Variants in MTMR8 observed in about 807,000 individuals in gnomAD.
MTMR8 encodes the protein phosphatidylinositol-3,5-bisphosphate 3-phosphatase MTMR8.
Under a neutral mutation model 39.3 loss-of-function variants are expected in MTMR8, and 65 were observed. The ratio of observed to expected loss-of-function variants is 1.65; its 90% CI spans 1.35 to 2.03. The LOEUF (loss-of-function observed/expected upper bound fraction) is 2.03. Ranked by LOEUF, MTMR8 falls within the 30% of genes most tolerant of loss-of-function variation. The probability of loss-of-function intolerance (pLI) is 0.00; values close to 1 mark genes in which losing one functional copy is unlikely to be tolerated. For synonymous variants in MTMR8, 245 were observed against 185.2 expected, an observed-to-expected ratio of 1.32 and a Z score of -2.62; for missense variants, 777 against 538.9, an observed-to-expected ratio of 1.44 and a Z score of -4.37.
chrX:64,314,641 G>A (rs5918541), intron 12 of MTMR8, among the ~76,000 whole-genome samples: 3 of 112,932 alleles, frequency 2.7e-5, no homozygotes, highest in Non-Finnish European at 5.6e-5. Context: ...ACTGCTGCTG[G>A]CAGCAGTGGC....
At chrX:64,344,963 C>T in intron 7 of MTMR8, 82 bp downstream of exon 7, 2 of 1,059,428 alleles carry the variant, frequency 1.9e-6, no homozygotes, top group Non-Finnish European at 2.6e-6. Context: ...TTTTATATTC[C>T]ACCCCAAATC....
chrX:64,275,968 A>G (rs774802232), intron 12 of MTMR8, among the ~76,000 whole-genome samples: 2 of 111,713 alleles, frequency 1.8e-5, no homozygotes, highest in African/African-American at 3.2e-5. Flanking sequence ...GGAATCAAAA[A>G]TCTCCCAGCA....
chrX:64,272,482 G>C (rs2147124918), intron 12 of MTMR8, among the ~76,000 whole-genome samples: 1 of 110,802 alleles, frequency 9.0e-6, no homozygotes, highest in Non-Finnish European at 1.9e-5. Context: ...CCAGTCAGAA[G>C]GACACAAAGA....
intron 1 of MTMR8, among the ~76,000 whole-genome samples, chrX:64,367,071 C>A (rs1385858142): frequency 1.8e-5 from 2 of 111,795 alleles, no homozygotes; most frequent in African/African-American, 6.5e-5. Flanking sequence ...GAAGTTGAAT[C>A]TCTGAATAGA....
chrX:64,341,059 G>GA (rs779665406), intron 8 of MTMR8, among the ~76,000 whole-genome samples: 1 of 112,388 alleles, frequency 8.9e-6, no homozygotes, highest in Non-Finnish European at 1.9e-5. Context: ...CTGCATTAGC[G>GA]AAAAATTAGA....
At chrX:64,343,060 C>T (rs914857132) in intron 8 of MTMR8, among the ~76,000 whole-genome samples, 1 of 111,282 alleles carries the variant, frequency 9.0e-6, no homozygotes, top group African/African-American at 3.3e-5. Context: ...CATTTGGAGG[C>T]AGATCTATAC....
chrX:64,301,405 C>T (rs1182048208), intron 12 of MTMR8, among the ~76,000 whole-genome samples: 4 of 105,155 alleles, frequency 3.8e-5, no homozygotes, highest in South Asian at 8.9e-4. Context: ...ACGTAGTTCT[C>T]GAGCCTTGGT....
chrX:64,368,740 A>G (rs1275297349), intron 1 of MTMR8, among the ~76,000 whole-genome samples: 2 of 112,343 alleles, frequency 1.8e-5, no homozygotes, highest in African/African-American at 3.2e-5. Context: ...AATGGCAATG[A>G]AAGCCAAAAT....
chrX:64,300,360 T>C (rs1185995839), intron 12 of MTMR8, among the ~76,000 whole-genome samples: 1 of 111,670 alleles, frequency 9.0e-6, no homozygotes, highest in East Asian at 2.8e-4. Flanking sequence ...TGATCTTTGT[T>C]GGTTTAAAGT....
chrX:64,360,643 T>C (rs1466923407), intron 1 of MTMR8, among the ~76,000 whole-genome samples: 11 of 111,274 alleles, frequency 9.9e-5, no homozygotes. Context: ...AACAAAATAA[T>C]AGCCAAAATG....
intron 1 of MTMR8, among the ~76,000 whole-genome samples, chrX:64,390,822 A>AT (rs917249569): frequency 4.6e-5 from 5 of 109,448 alleles, no homozygotes; most frequent in African/African-American, 6.6e-5. Context: ...CACCCAGCTA[A>AT]TTTTTTTTAA....
intron 12 of MTMR8, among the ~76,000 whole-genome samples, chrX:64,274,021 C>A (rs551794083): frequency 8.9e-6 from 1 of 111,783 alleles, no homozygotes; most frequent in African/African-American, 3.2e-5. Context: ...TACTTCGATA[C>A]TCTACTTTCA....
rs748887706 is a variant in MTMR8, at chrX:64,344,900, T to C, written c.865+145A>G. The C allele has an allele frequency of 1.5e-5, 8 of 536,002 alleles. No individual in the cohort carries two copies. The South Asian group carries it at 3.0e-4, about 20-fold the overall frequency. The allele number at this position is 536,002 out of a possible 1,213,427, so 44.2% of individuals were successfully genotyped here. A position where few individuals can be genotyped will look rare whatever the true frequency, so the allele number is the denominator to read the frequency against. The stretch of plus-strand genomic sequence containing the variant: ...ATAATTCAGTACTATTTAAGCTAGA[T>C]TTGTACAATAGTTAAACACCTAACC... On this transcript the variant is annotated intron_variant, in intron 7 of 13. Coordinates refer to ENST00000374852, the MANE Select transcript of MTMR8 (RefSeq NM_017677.4).
chrX:64,353,295 A>G (rs998521519), intron 4 of MTMR8, among the ~76,000 whole-genome samples: 1 of 112,311 alleles, frequency 8.9e-6, no homozygotes, highest in Non-Finnish European at 1.9e-5. Flanking sequence ...CAACCAACAA[A>G]GTGAAAAGAC....
At chrX:64,290,634 G>A (rs1602110413) in intron 12 of MTMR8, among the ~76,000 whole-genome samples, 2 of 110,509 alleles carry the variant, frequency 1.8e-5, no homozygotes, top group South Asian at 3.9e-4. Flanking sequence ...TCCTCGGAGT[G>A]TGGACTCTGT....
At chrX:64,319,887 G>T (rs951134226) in intron 12 of MTMR8, among the ~76,000 whole-genome samples, 7 of 110,910 alleles carry the variant, frequency 6.3e-5, no homozygotes, top group African/African-American at 2.3e-4. Flanking sequence ...GGTGATGCGG[G>T]CTCTTTTTTG....
intron 12 of MTMR8, among the ~76,000 whole-genome samples, chrX:64,318,945 T>G (rs899751657): frequency 3.6e-5 from 4 of 111,506 alleles, no homozygotes; most frequent in Non-Finnish European, 7.5e-5. Context: ...CCTTCCAAAG[T>G]GCTGGGATTA....
chrX:64,303,051 G>A (rs1420713290), intron 12 of MTMR8, among the ~76,000 whole-genome samples: 1 of 112,456 alleles, frequency 8.9e-6, no homozygotes, highest in Non-Finnish European at 1.9e-5. Context: ...GTGCGTTAAT[G>A]CCATCTCGTG....
At chrX:64,351,764 C>A (rs1420366543) in intron 4 of MTMR8, among the ~76,000 whole-genome samples, 1 of 111,338 alleles carries the variant, frequency 9.0e-6, no homozygotes, top group African/African-American at 3.3e-5. Flanking sequence ...TGTTCGAGGG[C>A]AGGAAGCATT....
Sources: allele counts gnomAD v4.1 joint callset (sites outside exome capture counted in the v4.1 genomes callset), GRCh38; gene constraint gnomAD v4.1.1; transcripts MANE v1.5; gene names NCBI Gene and HGNC (gene_info 2026-07-23, HGNC 2026-07-21).